The following ERG variants were observed in gnomAD, a reference collection of about 807,000 sequenced individuals.
ERG encodes the protein transcriptional regulator ERG.
A neutral mutation model predicts 55.3 loss-of-function variants in ERG; 9 were observed. The observed-to-expected ratio is 0.16, with a 90% CI of 0.10 to 0.28. ERG has a LOEUF of 0.28. ERG is among the 10% of genes least tolerant of loss of function. ERG has a pLI of 1.00. For missense variants in ERG, 434 were observed against 631.6 expected, an observed-to-expected ratio of 0.69 and a Z score of 3.35; for synonymous variants, 223 against 237.3, an observed-to-expected ratio of 0.94 and a Z score of 0.55.
At chr21:38,615,552 C>T (rs2060253657) in intron 1 of ERG, among the ~76,000 whole-genome samples, 3 of 151,146 alleles carry the variant, frequency 2.0e-5, no homozygotes, top group African/African-American at 7.3e-5. Context: ...CTGACATGTA[C>T]TAGTTTTGTG....
intron 1 of ERG, among the ~76,000 whole-genome samples, chr21:38,576,297 A>C (rs1253268186): frequency 6.6e-6 from 1 of 152,142 alleles, no homozygotes; most frequent in African/African-American, 2.4e-5. Flanking sequence ...CGACTCTGAG[A>C]GCTGTCATTC....
chr21:38,386,756 G>C (rs1465893479), intron 9 of ERG, among the ~76,000 whole-genome samples: 1 of 151,606 alleles, frequency 6.6e-6, no homozygotes, highest in Non-Finnish European at 1.5e-5. Flanking sequence ...TCTACCTTAG[G>C]ACTCACCTTT....
At chr21:38,534,050 T>TA (rs1165679489) in intron 2 of ERG, among the ~76,000 whole-genome samples, 1 of 152,144 alleles carries the variant, frequency 6.6e-6, no homozygotes, top group Non-Finnish European at 1.5e-5. Flanking sequence ...CACTTATACT[T>TA]ACACTGCAAC....
intron 1 of ERG, among the ~76,000 whole-genome samples, chr21:38,584,673 T>C (rs899280656): frequency 1.3e-5 from 2 of 152,212 alleles, no homozygotes; most frequent in Non-Finnish European, 2.9e-5. Context: ...AAGGGTGTCA[T>C]GTAGAACCAA....
intron 1 of ERG, among the ~76,000 whole-genome samples, chr21:38,610,526 CGTGTGTGTGT>C (rs148197703): frequency 6.6e-6 from 1 of 150,384 alleles, no homozygotes; most frequent in African/African-American, 2.5e-5. Context: ...CGCGCACGCG[CGTGTGTGTGT>C]GTGTGTGTGT....
intron 1 of ERG, among the ~76,000 whole-genome samples, chr21:38,633,124 CA>C (rs554788480): frequency 8.6e-5 from 13 of 151,108 alleles, no homozygotes; most frequent in African/African-American, 2.9e-4. Flanking sequence ...AAGCCAGCCA[CA>C]AAAAAAAGAT....
At chr21:38,505,596 C>T (rs538262717) in intron 2 of ERG, among the ~76,000 whole-genome samples, 4 of 152,314 alleles carry the variant, frequency 2.6e-5, no homozygotes, top group African/African-American at 9.6e-5. Context: ...TCAAGGAGTA[C>T]TAGAAATGTT....
intron 1 of ERG, among the ~76,000 whole-genome samples, chr21:38,577,837 C>T (rs1357155532): frequency 6.6e-6 from 1 of 152,184 alleles, no homozygotes; most frequent in Non-Finnish European, 1.5e-5. Context: ...CCGCACAGTT[C>T]CTCCCTGCCT....
At chr21:38,469,741 C>T (rs1294928843) in intron 1 of ERG, among the ~76,000 whole-genome samples, 2 of 152,198 alleles carry the variant, frequency 1.3e-5, no homozygotes, top group African/African-American at 2.4e-5. Flanking sequence ...AACAAATTCA[C>T]AGGTTTATTG....
chr21:38,430,079 C>T (rs1231297581), intron 2 of ERG, among the ~76,000 whole-genome samples: 3 of 139,834 alleles, frequency 2.1e-5, no homozygotes, highest in African/African-American at 7.9e-5. Flanking sequence ...ATGCCAACAT[C>T]TATTTTTTTT....
upstream of ERG, among the ~76,000 whole-genome samples, chr21:38,588,839 C>T (rs887279588): frequency 6.6e-6 from 1 of 152,106 alleles, no homozygotes; most frequent in Non-Finnish European, 1.5e-5. Flanking sequence ...ACCTCAGCCA[C>T]CCAACTAGCT....
At chr21:38,455,880 C>CA (rs2058984596) in intron 1 of ERG, among the ~76,000 whole-genome samples, 1 of 151,384 alleles carries the variant, frequency 6.6e-6, no homozygotes, top group South Asian at 2.1e-4. Flanking sequence ...CCCCCCCTCC[C>CA]CACAGACAGG....
intron 1 of ERG, among the ~76,000 whole-genome samples, chr21:38,475,823 G>GCTGCTCATGCCCCT (rs1426653385): frequency 1.3e-5 from 2 of 152,096 alleles, no homozygotes; most frequent in African/African-American, 4.8e-5. Context: ...CAGCTGTCCT[G>GCTGCTCATGCCCCT]CTGCTCATGC....
chr21:38,370,390 C>G, the ERG span, among the ~76,000 whole-genome samples: 1 of 152,008 alleles, frequency 6.6e-6, no homozygotes, highest in Non-Finnish European at 1.5e-5. Context: ...TTTTCACTCT[C>G]TTTAATGATA....
At position 38,450,447 on chromosome 21, in the gene ERG, AC is replaced by A. The variant is rs1483987285; in HGVS notation, c.19-4827del. On this transcript the variant is annotated intron_variant, in intron 1 of 9. Transcript: ENST00000288319. Reference sequence around the variant, plus strand: ...AAGAAGTCCTTGCTGCTATCACAACACAGTGTGGAGATCATTCACTTAGGAA... The same window carrying A: ...AAGAAGTCCTTGCTGCTATCACAACAAGTGTGGAGATCATTCACTTAGGAA... 3.9e-5 allele frequency among the ~76,000 whole-genome samples: 6 copies of A among 152,344 alleles called. No individual in the cohort carries two copies. In the East Asian group the frequency reaches 5.8e-4, roughly 15 times the overall value.
chr21:38,562,702 G>C (rs2059900227), intron 2 of ERG, among the ~76,000 whole-genome samples: 1 of 152,164 alleles, frequency 6.6e-6, no homozygotes, highest in South Asian at 2.1e-4. Context: ...ACAGTTTCTA[G>C]CAAGATAGGT....
At chr21:38,599,489 C>A (rs1320581042) in intron 1 of ERG, among the ~76,000 whole-genome samples, 3 of 152,156 alleles carry the variant, frequency 2.0e-5, no homozygotes, top group African/African-American at 7.2e-5. Flanking sequence ...GATGCATGGC[C>A]AAGTAACCCC....
intron 3 of ERG, among the ~76,000 whole-genome samples, chr21:38,407,970 G>A (rs990941278): frequency 1.2e-4 from 18 of 150,604 alleles, no homozygotes; most frequent in Non-Finnish European, 1.5e-5. Flanking sequence ...TAAAATTGCT[G>A]TCAAGAGTAT....
intron 1 of ERG, among the ~76,000 whole-genome samples, chr21:38,479,241 G>A (rs1488357724): frequency 6.6e-6 from 1 of 152,274 alleles, no homozygotes; most frequent in South Asian, 2.1e-4. Context: ...TTAAGTATGA[G>A]TGTAACAATC....
Sources: gnomAD v4.1 joint callset for allele counts (sites outside exome capture counted in the v4.1 genomes callset) on GRCh38, gnomAD v4.1.1 for gene constraint, MANE v1.5 for transcripts, NCBI Gene and HGNC (gene_info 2026-07-23, HGNC 2026-07-21) for gene names.